PBX1: variants seen among roughly 807,000 people sequenced by gnomAD.
The protein encoded by PBX1 is PBX homeobox 1.
In PBX1, 6 loss-of-function variants were observed where a neutral mutation model predicts 53.4. That is an observed-to-expected ratio of 0.11 (90% CI 0.06 to 0.22). The LOEUF (loss-of-function observed/expected upper bound fraction) is 0.22. Ranked by LOEUF, PBX1 falls within the 10% of genes least tolerant of loss-of-function variation. PBX1 has a pLI of 1.00. For missense variants in PBX1, 251 were observed against 551.4 expected (o/e 0.46, Z 5.46); for synonymous variants, 204 against 212.3 (o/e 0.96, Z 0.34).
intron 2 of PBX1, among the ~76,000 whole-genome samples, chr1:164,666,878 A>G (rs1660839365): frequency 6.6e-6 from 1 of 152,168 alleles, no homozygotes; most frequent in Admixed American, 6.6e-5. Flanking sequence ...TTGAATCTTC[A>G]CAGAACCCTT....
intron 2 of PBX1, among the ~76,000 whole-genome samples, chr1:164,666,352 T>G (rs1475968693): frequency 6.6e-6 from 1 of 152,224 alleles, no homozygotes; most frequent in Non-Finnish European, 1.5e-5. Flanking sequence ...AGTCCATTAT[T>G]ATTATTATTC....
At chr1:164,882,335 C>T (rs1672678864) in intron 2 of PBX1, among the ~76,000 whole-genome samples, 1 of 152,204 alleles carries the variant, frequency 6.6e-6, no homozygotes, top group African/African-American at 2.4e-5. Flanking sequence ...AAATTCTCAT[C>T]TGTGCTCCTC....
chr1:164,712,231 C>T (rs919773031), intron 2 of PBX1, among the ~76,000 whole-genome samples: 3 of 150,148 alleles, frequency 2.0e-5, no homozygotes, highest in Non-Finnish European at 3.0e-5. Context: ...TGTCTGCTGT[C>T]TGCAGGCTGC....
At chr1:164,830,264 G>A (rs1670687385) in intron 8 of PBX1, among the ~76,000 whole-genome samples, 1 of 152,172 alleles carries the variant, frequency 6.6e-6, no homozygotes, top group Non-Finnish European at 1.5e-5. Context: ...AATAAAATTG[G>A]CAGGAGAGTG....
At chr1:164,754,068 A>C (rs1303774740) in intron 2 of PBX1, among the ~76,000 whole-genome samples, 1 of 152,168 alleles carries the variant, frequency 6.6e-6, no homozygotes, top group Non-Finnish European at 1.5e-5. Context: ...GTATCTCGGC[A>C]AAGGTGGACT....
intron 3 of PBX1, among the ~76,000 whole-genome samples, chr1:164,797,682 A>T (rs572149292): frequency 3.9e-5 from 6 of 152,196 alleles, no homozygotes; most frequent in Non-Finnish European, 8.8e-5. Flanking sequence ...AAGTTTACCC[A>T]GTTATCGATA....
chr1:164,587,495 C>T (rs770178302), intron 2 of PBX1, among the ~76,000 whole-genome samples: 4 of 152,062 alleles, frequency 2.6e-5, no homozygotes, highest in Non-Finnish European at 4.4e-5. Context: ...ACTCACCCAG[C>T]ACTTTATCTG....
At chr1:164,711,133 C>T (rs191248664) in intron 2 of PBX1, among the ~76,000 whole-genome samples, 5 of 152,166 alleles carry the variant, frequency 3.3e-5, no homozygotes, top group African/African-American at 1.2e-4. Context: ...ATACATCACC[C>T]TATGAAAGAA....
At chr1:164,657,114 G>A (rs867781469) in intron 2 of PBX1, 62 of 152,316 alleles carry the variant, frequency 4.1e-4, no homozygotes, top group African/African-American at 1.4e-3. Context: ...TTTCCACAGA[G>A]TGGGAAGATA....
intron 2 of PBX1, among the ~76,000 whole-genome samples, chr1:164,711,706 C>A (rs1371195588): frequency 6.6e-6 from 1 of 152,176 alleles, no homozygotes; most frequent in Non-Finnish European, 1.5e-5. Context: ...CACAAAATCC[C>A]ACATGCGTGG....
chr1:164,831,992 T>G (rs1195227211), intron 8 of PBX1, among the ~76,000 whole-genome samples: 1 of 152,238 alleles, frequency 6.6e-6, no homozygotes, highest in African/African-American at 2.4e-5. Flanking sequence ...TCAACTTATA[T>G]TCACATTTCA....
chr1:164,608,175 C>T (rs1356070382), intron 2 of PBX1, among the ~76,000 whole-genome samples: 2 of 152,248 alleles, frequency 1.3e-5, no homozygotes, highest in Non-Finnish European at 2.9e-5. Flanking sequence ...CTGCATTAGG[C>T]ACTTATTCAT....
At chr1:164,705,841 T>A (rs1035952591) in intron 2 of PBX1, among the ~76,000 whole-genome samples, 1 of 152,240 alleles carries the variant, frequency 6.6e-6, no homozygotes, top group Non-Finnish European at 1.5e-5. Flanking sequence ...ATTTAAAACA[T>A]TCAAATAAGT....
chr1:164,674,035 C>T (rs966092326), intron 2 of PBX1, among the ~76,000 whole-genome samples: 10 of 152,300 alleles, frequency 6.6e-5, no homozygotes, highest in South Asian at 2.1e-4. Context: ...GACGCCAGTA[C>T]ATACAGAACA....
chr1:164,687,425 G>A (rs1039470348), intron 2 of PBX1, among the ~76,000 whole-genome samples: 1 of 151,968 alleles, frequency 6.6e-6, no homozygotes, highest in African/African-American at 2.4e-5. Flanking sequence ...AGCCAGGTGT[G>A]GTGGGGCACG....
intron 2 of PBX1, among the ~76,000 whole-genome samples, chr1:164,708,337 G>C (rs1429029153): frequency 6.6e-6 from 1 of 152,150 alleles, no homozygotes; most frequent in African/African-American, 2.4e-5. Context: ...TGACTGTTAT[G>C]TGTCAGGAGC....
At chr1:164,843,553 G>A (rs909298556) in intron 8 of PBX1, among the ~76,000 whole-genome samples, 2 of 151,688 alleles carry the variant, frequency 1.3e-5, no homozygotes, top group Non-Finnish European at 2.9e-5. Flanking sequence ...GGTTGGAGGG[G>A]GAGTGGAAAA....
At chr1:164,872,587 AG>A (rs1456117816) in intron 2 of PBX1, among the ~76,000 whole-genome samples, 1 of 152,202 alleles carries the variant, frequency 6.6e-6, no homozygotes, top group Non-Finnish European at 1.5e-5. Context: ...AGAGAAGCAG[AG>A]GAGATGAGCA....
rs542165341 is a variant in PBX1, at chr1:164,564,226, C to A, written c.265+915C>A. On this transcript the variant is annotated intron_variant, in intron 2 of 8. Coordinates refer to ENST00000420696, the MANE Select transcript of PBX1 (RefSeq NM_002585.4). ...TCTGCTGGGCTCTGACTTACCCGCT[C>A]GCTTTAGAGCAGTGCAAAGTACCTG... Among the ~76,000 whole-genome samples, 13 of 152,218 alleles carry A rather than the reference C, an allele frequency of 8.5e-5. No individual in the cohort carries two copies. The South Asian group carries it at 2.5e-3, about 29-fold the overall frequency.
Sources: gnomAD v4.1 joint callset for allele counts (sites outside exome capture counted in the v4.1 genomes callset) on GRCh38, gnomAD v4.1.1 for gene constraint, MANE v1.5 for transcripts, NCBI Gene and HGNC (gene_info 2026-07-23, HGNC 2026-07-21) for gene names.